The following ZNF385D variants were observed in gnomAD, a reference collection of about 807,000 sequenced individuals.
The protein encoded by ZNF385D is zinc finger protein 659.
A neutral mutation model predicts 35.8 loss-of-function variants in ZNF385D; 15 were observed. The observed-to-expected ratio is 0.42, with a 90% confidence interval of 0.28 to 0.64. ZNF385D has a LOEUF of 0.64. Among genes scored for constraint, ZNF385D ranks in the 30% least tolerant of loss-of-function variants. The pLI is 0.23. For synonymous variants in ZNF385D, 212 were observed against 186.8 expected (o/e 1.13, Z -1.10); for missense variants, 474 against 494.6 (o/e 0.96, Z 0.39).
At chr3:21,716,054 G>C (rs1375317507) in intron 1 of ZNF385D, among the ~76,000 whole-genome samples, 1 of 151,964 alleles carries the variant, frequency 6.6e-6, no homozygotes, top group African/African-American at 2.4e-5. Flanking sequence ...CTGAAACTTT[G>C]AATCAATCTC....
intron 1 of ZNF385D, among the ~76,000 whole-genome samples, chr3:21,694,572 T>C (rs924084954): frequency 2.6e-5 from 4 of 152,144 alleles, no homozygotes; most frequent in African/African-American, 4.8e-5. Context: ...CCTTGCTCGA[T>C]AGAGAAAGAC....
chr3:21,593,954 C>G (rs1449985540), intron 2 of ZNF385D, among the ~76,000 whole-genome samples: 1 of 152,052 alleles, frequency 6.6e-6, no homozygotes, highest in Admixed American at 6.5e-5. Flanking sequence ...TCCTGGCTTC[C>G]CAGAGCAAAG....
At chr3:21,929,560 A>G (rs774414336) in intron 3 of ZNF385D, among the ~76,000 whole-genome samples, 10 of 152,160 alleles carry the variant, frequency 6.6e-5, no homozygotes, top group Non-Finnish European at 1.5e-4. Context: ...AACATTCTAA[A>G]GAACCCACAA....
At chr3:22,095,084 C>CCTTCTT (rs1559364629) in intron 3 of ZNF385D, among the ~76,000 whole-genome samples, 2 of 121,282 alleles carry the variant, frequency 1.6e-5, no homozygotes, top group Non-Finnish European at 1.8e-5. Context: ...TTTTTTCATT[C>CCTTCTT]TTTCTTTTTT....
rs958383182 is a variant in ZNF385D, at chr3:21,628,759, T to G, written c.165+36127A>C. Among the ~76,000 whole-genome samples the G allele has an allele frequency of 3.3e-5, 5 of 152,150 alleles. No homozygotes were observed. In the East Asian group the frequency reaches 9.7e-4, roughly 29 times the overall value. Reference sequence around the variant, plus strand: ...GAATCTGAATTGTGATAAGCACTCCTGGTGATTCTGACACATAAACAAAAG... The same window carrying G: ...GAATCTGAATTGTGATAAGCACTCCGGGTGATTCTGACACATAAACAAAAG... On this transcript the variant is annotated intron_variant, in intron 2 of 7. Transcript: ENST00000281523.
intron 2 of ZNF385D, among the ~76,000 whole-genome samples, chr3:22,272,052 G>A (rs1056244340): frequency 6.6e-6 from 1 of 151,920 alleles, no homozygotes; most frequent in African/African-American, 2.4e-5. Flanking sequence ...AATGTGTTTT[G>A]TGTTTTTACA....
intron 3 of ZNF385D, among the ~76,000 whole-genome samples, chr3:22,076,006 C>T (rs907948380): frequency 6.6e-6 from 1 of 151,878 alleles, no homozygotes; most frequent in Admixed American, 6.6e-5. Context: ...ATGCAAACTG[C>T]AAAATATATA....
At chr3:21,698,593 C>T (rs1285818427) in intron 1 of ZNF385D, among the ~76,000 whole-genome samples, 2 of 151,862 alleles carry the variant, frequency 1.3e-5, no homozygotes, top group African/African-American at 2.4e-5. Context: ...CATATATGCT[C>T]CCTCAAGCAA....
chr3:21,932,161 A>T (rs1174133743), intron 3 of ZNF385D, among the ~76,000 whole-genome samples: 1 of 109,380 alleles, frequency 9.1e-6, no homozygotes, highest in Non-Finnish European at 1.8e-5. Flanking sequence ...AGCAAGACTC[A>T]TTCTCAAAAA....
intron 2 of ZNF385D, among the ~76,000 whole-genome samples, chr3:22,244,941 A>G (rs989585409): frequency 2.0e-5 from 3 of 152,044 alleles, no homozygotes; most frequent in African/African-American, 7.2e-5. Flanking sequence ...TTTGTGCTAG[A>G]GGAGCTGTGG....
At chr3:21,639,808 G>C (rs2065549568) in intron 2 of ZNF385D, among the ~76,000 whole-genome samples, 1 of 151,850 alleles carries the variant, frequency 6.6e-6, no homozygotes, top group Non-Finnish European at 1.5e-5. Flanking sequence ...ATATATAATA[G>C]TTATAGATTT....
At chr3:21,564,706 A>G in intron 2 of ZNF385D, 22 bp from the exon 3 acceptor site, 1 of 1,440,844 alleles carries the variant, frequency 6.9e-7, no homozygotes, top group Non-Finnish European at 9.4e-7. Context: ...AAAAAGAAAT[A>G]CAACAAATAG....
At chr3:21,535,547 TCAAAC>T (rs1043373280) in intron 3 of ZNF385D, among the ~76,000 whole-genome samples, 18 of 152,092 alleles carry the variant, frequency 1.2e-4, no homozygotes, top group Admixed American at 3.3e-4. Flanking sequence ...TCATGAAACT[TCAAAC>T]CAATCTGAAG....
chr3:21,755,109 A>G (rs2125568149), upstream of ZNF385D, among the ~76,000 whole-genome samples: 1 of 152,344 alleles, frequency 6.6e-6, no homozygotes, highest in East Asian at 1.9e-4. Context: ...TGCATGGAGC[A>G]GAGACTTAGA....
intron 3 of ZNF385D, among the ~76,000 whole-genome samples, chr3:21,932,964 G>A (rs1036077353): frequency 6.6e-6 from 1 of 152,148 alleles, no homozygotes; most frequent in African/African-American, 2.4e-5. Flanking sequence ...CAAAGCTAGA[G>A]CAGGTGTATG....
chr3:22,030,108 C>T (rs1697844326), intron 3 of ZNF385D, among the ~76,000 whole-genome samples: 1 of 151,216 alleles, frequency 6.6e-6, no homozygotes, highest in African/African-American at 2.4e-5. Context: ...CTATATCTTT[C>T]TCCCATGCTC....
At chr3:21,495,602 G>A (rs1445030518) in intron 4 of ZNF385D, among the ~76,000 whole-genome samples, 1 of 151,868 alleles carries the variant, frequency 6.6e-6, no homozygotes, top group Non-Finnish European at 1.5e-5. Context: ...AAGTAAAGAA[G>A]ATATCAAATT....
chr3:22,211,230 A>C (rs1559454857), intron 2 of ZNF385D, among the ~76,000 whole-genome samples: 1 of 151,952 alleles, frequency 6.6e-6, no homozygotes, highest in African/African-American at 2.4e-5. Flanking sequence ...TGTAGTACAT[A>C]CCAGATACTT....
At chr3:22,143,949 A>C (rs1704682911) in intron 3 of ZNF385D, among the ~76,000 whole-genome samples, 1 of 152,214 alleles carries the variant, frequency 6.6e-6, no homozygotes, top group African/African-American at 2.4e-5. Flanking sequence ...AAAGGCTTAA[A>C]AATGTATAAT....
Sources: allele counts gnomAD v4.1 joint callset (sites outside exome capture counted in the v4.1 genomes callset), GRCh38; gene constraint gnomAD v4.1.1; transcripts MANE v1.5; gene names NCBI Gene and HGNC (gene_info 2026-07-23, HGNC 2026-07-21).